The following SH3BP2 variants were observed in gnomAD, a reference collection of about 807,000 sequenced individuals.
The protein encoded by SH3BP2 is SH3 domain binding protein 2, also known as SH3 domain-binding protein 2.
Under a neutral mutation model 56.2 loss-of-function variants are expected in SH3BP2, and 38 were observed. The ratio of observed to expected loss-of-function variants is 0.68; its 90% confidence interval spans 0.52 to 0.89. SH3BP2 has a LOEUF of 0.89. Ranked by LOEUF, SH3BP2 falls within the 40% of genes least tolerant of loss-of-function variation. The pLI, the probability that SH3BP2 is intolerant of heterozygous loss-of-function variation, is 0.00. For synonymous variants in SH3BP2, 346 were observed against 316.7 expected (o/e 1.09, Z -0.98); for missense variants, 748 against 762.6 (o/e 0.98, Z 0.23).
Position 2,840,236 on chromosome 4 carries a change from A to G in SH3BP2, c.*6402A>G, listed in dbSNP as rs1054784857. On this transcript the variant is annotated 3_prime_UTR_variant, in exon 13 of 13. Coordinates refer to ENST00000503393, the MANE Select transcript of SH3BP2 (RefSeq NM_001122681.2). ...TGAGACCCTATCTCAAAAAAAACCA[A>G]AAAAAAAAAAAAAAAAAAGAAAACC... 58 of 145,196 alleles carry G rather than the reference A, an allele frequency of 4.0e-4. No individual in the cohort carries two copies. Among genetic ancestry groups the G allele is most frequent in the African/African-American group, 1.4e-3 (57 of 39,748 alleles). 9.0% of individuals were successfully genotyped at this position (145,196 alleles called of 1,614,324 possible).
intron 1 of SH3BP2, among the ~76,000 whole-genome samples, chr4:2,797,967 G>A (rs960549266): frequency 3.9e-5 from 6 of 152,226 alleles, no homozygotes; most frequent in Non-Finnish European, 5.9e-5. Flanking sequence ...GGCAGCTGCC[G>A]CCCAGTTGGT....
intron 1 of SH3BP2, chr4:2,798,909 G>A: frequency 1.1e-6 from 1 of 875,260 alleles, no homozygotes; most frequent in Non-Finnish European, 1.4e-6. Flanking sequence ...AGGAAGTGCA[G>A]CCTCATGGGA....
rs1316874655 is a variant in SH3BP2 at position 2,840,517 on chromosome 4, A to G, written c.*6683A>G. 1 of 152,200 alleles carries G rather than the reference A, an allele frequency of 6.6e-6. No individual in the cohort carries two copies. Among genetic ancestry groups the G allele is most frequent in the East Asian group, 1.9e-4 (1 of 5,200 alleles). The allele number at this position is 152,200 out of a possible 1,614,324, so 9.4% of individuals were successfully genotyped here. The stretch of plus-strand genomic sequence containing the variant: ...TCATATGTCCACATATGACATATGT[A>G]GATCTGTTGTTGGATTCTTTCCTCT... On this transcript the variant is annotated 3_prime_UTR_variant, in exon 13 of 13. Coordinates refer to ENST00000503393, the MANE Select transcript of SH3BP2 (RefSeq NM_001122681.2).
At chr4:2,819,636 ACAGTG>A (rs1359954498) in intron 1 of SH3BP2, among the ~76,000 whole-genome samples, 4 of 152,104 alleles carry the variant, frequency 2.6e-5, no homozygotes, top group African/African-American at 9.7e-5. Context: ...CACAGACCAA[ACAGTG>A]CAGGGTCGGG....
chr4:2,793,584 C>T (rs1722967561), intron 1 of SH3BP2: 1 of 151,696 alleles, frequency 6.6e-6, no homozygotes, highest in African/African-American at 2.4e-5. Context: ...TCGCACCCCT[C>T]GCGCCCCTCT....
chr4:2,833,341 C>G, intron 12 of SH3BP2: 2 of 575,966 alleles, frequency 3.5e-6, no homozygotes, highest in Non-Finnish European at 3.1e-6. Flanking sequence ...GTCTCACTGT[C>G]TTTCTCAGGC....
At position 2,833,016 on chromosome 4, in the gene SH3BP2, T is replaced by G; in HGVS notation, c.1515T>G (p.Ser505=). Residue 505 remains serine, a synonymous_variant, in exon 12 of 13, where the codon TCT becomes TCG. Transcript: ENST00000503393. ...GKVLVVWDET[S]NKVRNYRIFE... ...TCCTGGTTGTGTGGGACGAAACCTC[T>G]AACAAAGTGAGGAACTATCGCATTT... is the stretch of plus-strand genomic sequence containing the variant. 1 of 1,614,218 alleles carries G rather than the reference T, an allele frequency of 6.2e-7. No individual in the cohort carries two copies. Among genetic ancestry groups the G allele is most frequent in the Non-Finnish European group, 8.5e-7 (1 of 1,180,026 alleles).
Position 2,839,181 on chromosome 4 carries a change from T to C in SH3BP2, c.*5347T>C, listed in dbSNP as rs1438369188. ...TCTTTTTCTTTTTCTTTTCTTTTTT[T>C]TTTTTTCTGAGACAGGGTCTCACTC... On this transcript the variant is annotated 3_prime_UTR_variant, in exon 13 of 13. Coordinates refer to ENST00000503393, the MANE Select transcript of SH3BP2 (RefSeq NM_001122681.2). 1.3e-5 allele frequency: 2 copies of C among 151,756 alleles called. No homozygotes were observed. Among genetic ancestry groups the C allele is most frequent in the Non-Finnish European group, 2.9e-5 (2 of 67,956 alleles). 9.4% of individuals were successfully genotyped at this position (151,756 alleles called of 1,614,324 possible).
chr4:2,831,981 C>G lies in SH3BP2; in HGVS notation c.1406+3C>G. 2 of 1,612,870 alleles carry G rather than the reference C, an allele frequency of 1.2e-6. No homozygotes were observed. The highest frequency in any genetic ancestry group is 1.7e-6 in the Non-Finnish European group (2 of 1,179,960). ...ACGGAGTCCTGCGAAGTGGAAAGGTCAGCACAAAGCCCTGTGTGTGCTGGG... is the reference window on the plus strand; with the variant it reads ...ACGGAGTCCTGCGAAGTGGAAAGGTGAGCACAAAGCCCTGTGTGTGCTGGG... On this transcript the variant is annotated splice_donor_region_variant and intron_variant, in intron 10 of 12. Transcript: ENST00000503393. The surrounding 1 kb of genome is among the most constrained non-coding windows in gnomAD (Gnocchi z 4.1).
chr4:2,832,270 A>T, intron 10 of SH3BP2, 61 bp from the exon 11 acceptor site: 1 of 1,377,978 alleles, frequency 7.3e-7, no homozygotes, highest in Non-Finnish European at 1.0e-6. Context: ...GCGGGGCGGG[A>T]AGGTCCGTGT....
chr4:2,823,677 G>C (rs1724434926), intron 3 of SH3BP2: 2 of 367,826 alleles, frequency 5.4e-6, no homozygotes, highest in East Asian at 7.4e-5. Flanking sequence ...TCTGGTTCTG[G>C]TTGCTATCCC....
intron 1 of SH3BP2, among the ~76,000 whole-genome samples, chr4:2,812,741 C>G (rs946517950): frequency 6.9e-6 from 1 of 145,362 alleles, no homozygotes; most frequent in Non-Finnish European, 1.5e-5. Flanking sequence ...ACCCCCCCAT[C>G]ACATGCGGCC....
chr4:2,820,859 C>G, intron 2 of SH3BP2, 106 bp downstream of exon 2: 1 of 1,311,542 alleles, frequency 7.6e-7, no homozygotes. Context: ...ATGGTGTGCC[C>G]TCTGGATTTT....
At position 2,831,690 on chromosome 4, in the gene SH3BP2, G is replaced by C; in HGVS notation, c.1350+11G>C. 1 of 1,579,252 alleles carries C rather than the reference G, an allele frequency of 6.3e-7. No homozygotes were observed. The highest frequency in any genetic ancestry group is 8.6e-7 in the Non-Finnish European group (1 of 1,160,300). Reference sequence around the variant, plus strand: ...GAGGACTATGAGAAGGCAAGGCTGAGCGGCAAGCCTGGGTCCCAGTGGCCA... The same window carrying C: ...GAGGACTATGAGAAGGCAAGGCTGACCGGCAAGCCTGGGTCCCAGTGGCCA... On this transcript the variant is annotated intron_variant, in intron 9 of 12. Transcript: ENST00000503393. This position sits in a 1 kb window ranked among gnomAD's most constrained non-coding sequence, Gnocchi z 4.1.
At position 2,829,872 on chromosome 4, in the gene SH3BP2, C is replaced by T. The variant is rs1431459554; in HGVS notation, c.966C>T (p.Ile322=). 2 of 1,613,766 alleles carry T rather than the reference C, an allele frequency of 1.2e-6. No homozygotes were observed. The highest frequency in any genetic ancestry group is 1.7e-6 in the Non-Finnish European group (2 of 1,180,036). ...HGACSTSSAA[I]MATATSRNCD... is the part of the protein sequence containing the mutation. Reference sequence around the variant, plus strand: ...CCTGCTCCACTTCCAGTGCTGCCATCATGGCCACTGCCACCTCCAGAAACT... The same window carrying T: ...CCTGCTCCACTTCCAGTGCTGCCATTATGGCCACTGCCACCTCCAGAAACT... The change falls in exon 8 of 13, where the codon ATC becomes ATT. Residue 322 remains isoleucine (I), a synonymous_variant. Coordinates refer to ENST00000503393, the MANE Select transcript of SH3BP2 (RefSeq NM_001122681.2). The surrounding 1 kb of genome is among the most constrained non-coding windows in gnomAD (Gnocchi z 4.9).
chr4:2,824,762 G>T, intron 4 of SH3BP2, 32 bp downstream of exon 4: 1 of 1,513,918 alleles, frequency 6.6e-7, no homozygotes, highest in South Asian at 1.1e-5. Context: ...AGTGCAAGGT[G>T]ACTGGGGGTG....
chr4:2,834,018 A>G lies in SH3BP2; in HGVS notation c.*184A>G, dbSNP rs564816472. ...CCAGCAGGTTGGGTTCTAGGGCTGA[A>G]CCAGGCGCCAGGCTCCAGAGGACGA... On this transcript the variant is annotated 3_prime_UTR_variant, in exon 13 of 13. Coordinates refer to ENST00000503393, the MANE Select transcript of SH3BP2 (RefSeq NM_001122681.2). The G allele has an allele frequency of 8.6e-5, 59 of 687,568 alleles. No individual in the cohort carries two copies. In the South Asian group the frequency reaches 1.0e-3, roughly 12 times the overall value. The allele number at this position is 687,568 out of a possible 1,614,324, so 42.6% of individuals were successfully genotyped here.
chr4:2,818,524 G>C, intron 1 of SH3BP2: 1 of 534,942 alleles, frequency 1.9e-6, no homozygotes, highest in Non-Finnish European at 2.5e-6. Flanking sequence ...CTTCTTGGGG[G>C]AACAAAGGCG....
At chr4:2,820,202 T>C (rs1445404261) in intron 1 of SH3BP2, among the ~76,000 whole-genome samples, 1 of 152,176 alleles carries the variant, frequency 6.6e-6, no homozygotes, top group Non-Finnish European at 1.5e-5. Flanking sequence ...AGGCCCCTTA[T>C]AGGTTCACCT....
Sources: gnomAD v4.1 joint callset for allele counts (sites outside exome capture counted in the v4.1 genomes callset) on GRCh38, gnomAD v4.1.1 for gene constraint, Gnocchi (gnomAD v3.1) non-coding constraint, MANE v1.5 for transcripts, NCBI Gene and HGNC (gene_info 2026-07-23, HGNC 2026-07-21) for gene names.